The following SCLY variants were observed in gnomAD, a reference collection of about 807,000 sequenced individuals.
SCLY encodes the protein putative selenocysteine lyase.
Under a neutral mutation model 50.1 loss-of-function variants are expected in SCLY, and 38 were observed. The ratio of observed to expected loss-of-function variants is 0.76; its 90% confidence interval spans 0.59 to 0.99. The LOEUF is 0.99. Among genes scored for constraint, SCLY ranks in the 50% least tolerant of loss-of-function variants. The pLI, the probability that SCLY is intolerant of heterozygous loss-of-function variation, is 0.00. For synonymous variants in SCLY, 243 were observed against 249.4 expected, an observed-to-expected ratio of 0.97 and a Z score of 0.24; for missense variants, 600 against 620.0, an observed-to-expected ratio of 0.97 and a Z score of 0.34.
intron 7 of SCLY, among the ~76,000 whole-genome samples, chr2:238,086,295 C>T (rs978469872): frequency 2.0e-5 from 3 of 152,182 alleles, no homozygotes; most frequent in Non-Finnish European, 4.4e-5. Context: ...AAGCAAAAAT[C>T]TTAGCAATAT....
At position 238,098,622 on chromosome 2, in the gene SCLY, A is replaced by AACG. The variant is rs1691330464; in HGVS notation, c.*267_*268insACG. On this transcript the variant is annotated 3_prime_UTR_variant, in exon 12 of 12. Coordinates refer to ENST00000254663, the MANE Select transcript of SCLY (RefSeq NM_016510.7). ...GCCCACATAGGACCGCCCACATGGG[A>AACG]CCGCCCACATGGGACCGCCCACATG... 2.2e-6 allele frequency: 1 copy of AACG among 452,604 alleles called. No homozygotes were observed. Among genetic ancestry groups the AACG allele is most frequent in the Non-Finnish European group, 3.9e-6 (1 of 258,374 alleles). The allele number at this position is 452,604 out of a possible 1,614,324, so 28.0% of individuals were successfully genotyped here. A position where few individuals can be genotyped will look rare whatever the true frequency, so the allele number is the denominator to read the frequency against.
intron 4 of SCLY, among the ~76,000 whole-genome samples, chr2:238,070,535 C>G (rs1041518964): frequency 2.6e-5 from 4 of 151,972 alleles, no homozygotes; most frequent in African/African-American, 9.7e-5. Flanking sequence ...CAAAAATTAG[C>G]CAGTCATGGT....
rs1288722488 is a variant in SCLY, at chr2:238,067,712, G to A, written c.203-353G>A. Among the ~76,000 whole-genome samples the A allele has an allele frequency of 6.6e-6, 1 of 152,180 alleles. No homozygotes were observed. Among genetic ancestry groups the A allele is most frequent in the Non-Finnish European group, 1.5e-5 (1 of 68,030 alleles). ...TTCCATCCTTTCATTCTCCTCTCTT[G>A]ATGAATGGGAAGCAAGGCAGATGGC... On this transcript the variant is annotated intron_variant, in intron 2 of 11. Transcript: ENST00000254663. The surrounding 1 kb of genome is among the most constrained non-coding windows in gnomAD (Gnocchi z 4.3).
chr2:238,071,873 C>T (rs888127253), intron 4 of SCLY, among the ~76,000 whole-genome samples: 4 of 152,192 alleles, frequency 2.6e-5, no homozygotes, highest in South Asian at 4.1e-4. Flanking sequence ...TCTTGTATAT[C>T]GGCTTTAATG....
Position 238,082,066 on chromosome 2 carries a change from C to G in SCLY, c.634C>G (p.Arg212Gly), listed in dbSNP as rs142210384. 6 of 1,613,756 alleles carry G rather than the reference C, an allele frequency of 3.7e-6. No homozygotes were observed. Among genetic ancestry groups the G allele is most frequent in the Middle Eastern group, 1.7e-4 (1 of 5,980 alleles). The change falls in exon 6 of 12, where the codon CGC (arginine) becomes GGC (glycine). Residue 212 changes from arginine to glycine, a missense_variant. Transcript: ENST00000254663. ...TCAGCCTGTCCCTGAAATCAGTCAGCGCATTAAAGCCCTGAACCAGGAACG... is the reference window on the plus strand; with the variant it reads ...TCAGCCTGTCCCTGAAATCAGTCAGGGCATTAAAGCCCTGAACCAGGAACG... ...IVMPVPEISQ[R>G]IKALNQERVA...
intron 1 of SCLY, among the ~76,000 whole-genome samples, chr2:238,062,265 T>C (rs938779486): frequency 1.3e-5 from 2 of 152,142 alleles, no homozygotes; most frequent in Non-Finnish European, 2.9e-5. Flanking sequence ...CTTTGGATGC[T>C]TATTTATAGG....
At chr2:238,089,426 G>A (rs535634720) in intron 7 of SCLY, among the ~76,000 whole-genome samples, 1 of 152,056 alleles carries the variant, frequency 6.6e-6, no homozygotes, top group Non-Finnish European at 1.5e-5. Flanking sequence ...AGATACAACC[G>A]CAGGAGACGC....
chr2:238,070,175 C>T (rs956401261), intron 4 of SCLY, among the ~76,000 whole-genome samples: 1 of 152,202 alleles, frequency 6.6e-6, no homozygotes, highest in Admixed American at 6.5e-5. Flanking sequence ...AAGGGAGTGA[C>T]ATGTTCACCA....
intron 3 of SCLY, among the ~76,000 whole-genome samples, chr2:238,068,559 A>G (rs926537617): frequency 6.6e-6 from 1 of 152,124 alleles, no homozygotes; most frequent in Non-Finnish European, 1.5e-5. Flanking sequence ...AGAAAGAAAG[A>G]GAGTAATGTG....
At position 238,081,829 on chromosome 2, in the gene SCLY, T is replaced by C. The variant is rs548740545; in HGVS notation, c.605T>C (p.Ile202Thr). The part of the protein sequence containing the change: ...TIMLANNETG[I>T]VMPVPEISQR... ...ATGCTGGCCAACAATGAGACTGGCATTGTCATGGTGAGTCGGCCTTTGTTT... is the reference window on the plus strand; with the variant it reads ...ATGCTGGCCAACAATGAGACTGGCACTGTCATGGTGAGTCGGCCTTTGTTT... The change falls in exon 5 of 12, where the codon ATT (isoleucine) becomes ACT (threonine). Residue 202 changes from isoleucine to threonine, a missense_variant. Ile to Thr is a moderately conservative substitution (Grantham distance 89, BLOSUM62 -1). Coordinates refer to ENST00000254663, the MANE Select transcript of SCLY (RefSeq NM_016510.7). 11 of 1,613,852 alleles carry C rather than the reference T, an allele frequency of 6.8e-6. 1 individual carries two copies. The South Asian group carries it at 7.7e-5, about 11-fold the overall frequency.
Position 238,064,340 on chromosome 2 carries a change from T to A in SCLY, c.90-17T>A. On this transcript the variant is annotated splice_polypyrimidine_tract_variant and intron_variant, in intron 1 of 11. Coordinates refer to ENST00000254663, the MANE Select transcript of SCLY (RefSeq NM_016510.7). ...TCTCCTTTTCCTTAATGGGTGTCTT[T>A]GCTTTCTTTCCTTCAGGAAAGTTTA... 1 of 1,547,886 alleles carries A rather than the reference T, an allele frequency of 6.5e-7. No individual in the cohort carries two copies. Among genetic ancestry groups the A allele is most frequent in the Non-Finnish European group, 8.8e-7 (1 of 1,135,784 alleles).
chr2:238,068,072 G>A lies in SCLY; in HGVS notation c.210G>A (p.Lys70=), dbSNP rs1216533081. 1.9e-6 allele frequency: 3 copies of A among 1,611,090 alleles called. No individual in the cohort carries two copies. The highest frequency in any genetic ancestry group is 2.5e-6 in the Non-Finnish European group (3 of 1,178,984). The part of the protein sequence containing the change: ...NPSSPYSAGR[K]AKDIINAARE... The stretch of plus-strand genomic sequence containing the variant: ...CCTTTTTGGTCCCTCAAGGAAGAAA[G>A]GCCAAGGATATTATAAATGCAGCTC... The change falls in exon 3 of 12, where the codon AAG becomes AAA. Residue 70 remains lysine, a synonymous_variant. Coordinates refer to ENST00000254663, the MANE Select transcript of SCLY (RefSeq NM_016510.7).
chr2:238,084,599 A>G (rs2065271427), intron 7 of SCLY, among the ~76,000 whole-genome samples: 1 of 145,300 alleles, frequency 6.9e-6, no homozygotes, highest in African/African-American at 2.6e-5. Flanking sequence ...TCAAAAAAAA[A>G]AAAAAAAAAA....
At chr2:238,097,378 G>A (rs2065449743) in intron 11 of SCLY, among the ~76,000 whole-genome samples, 1 of 69,784 alleles carries the variant, frequency 1.4e-5, no homozygotes, top group Non-Finnish European at 2.7e-5. Flanking sequence ...TGGGGTGCCC[G>A]AGCAGCGGCC....
intron 7 of SCLY, among the ~76,000 whole-genome samples, chr2:238,085,566 AT>A (rs1008736434): frequency 2.0e-5 from 3 of 151,764 alleles, no homozygotes; most frequent in African/African-American, 7.3e-5. Flanking sequence ...AAAAAAAAAA[AT>A]ACACAAAAAA....
intron 1 of SCLY, 152 bp from the exon 2 acceptor site, chr2:238,064,205 G>T: frequency 2.5e-6 from 1 of 406,982 alleles, no homozygotes. Context: ...AGATTCCCAA[G>T]TGCAGCTTGT....
intron 8 of SCLY, chr2:238,091,551 A>ACTGAC: frequency 2.5e-6 from 1 of 404,518 alleles, no homozygotes; most frequent in South Asian, 2.6e-5. Flanking sequence ...CAGGTTCACC[A>ACTGAC]TTCCCAAAGG....
intron 4 of SCLY, among the ~76,000 whole-genome samples, chr2:238,074,169 G>C (rs1217976846): frequency 6.6e-6 from 1 of 151,972 alleles, no homozygotes; most frequent in Admixed American, 6.6e-5. Flanking sequence ...AGCCATGAGT[G>C]GTGGCACATA....
chr2:238,098,489 A>T lies in SCLY; in HGVS notation c.*134A>T, dbSNP rs62196005. The T allele has an allele frequency of 0.3, 311,066 of 1,044,446 alleles. 51,746 individuals carry two copies. Among genetic ancestry groups the T allele is most frequent in the African/African-American group, 0.61 (36,858 of 60,634 alleles). 64.7% of individuals were successfully genotyped at this position (1,044,446 alleles called of 1,614,324 possible). On this transcript the variant is annotated 3_prime_UTR_variant, in exon 12 of 12. Transcript: ENST00000254663. ...CCTCTGCATTTTGTCCTGGAGTGCC[A>T]GCGAGTGTGCACCCCCAGTTTCCTT...
Sources: gnomAD v4.1 joint callset for allele counts (sites outside exome capture counted in the v4.1 genomes callset) on GRCh38, gnomAD v4.1.1 for gene constraint, Gnocchi (gnomAD v3.1) non-coding constraint, MANE v1.5 for transcripts, NCBI Gene and HGNC (gene_info 2026-07-23, HGNC 2026-07-21) for gene names.